PHIP: variants seen among roughly 807,000 people sequenced by gnomAD.
PHIP encodes the protein PH-interacting protein.
A neutral mutation model predicts 236.8 loss-of-function variants in PHIP; 54 were observed. The observed-to-expected ratio is 0.23, with a 90% CI of 0.18 to 0.29. The LOEUF (loss-of-function observed/expected upper bound fraction) is 0.29, where lower values mean the gene tolerates loss of function less well. Ranked by LOEUF, PHIP falls within the 10% of genes least tolerant of loss-of-function variation. The pLI is 1.00. For missense variants in PHIP, 1,370 were observed against 2,190.8 expected (o/e 0.63, Z 7.48); for synonymous variants, 756 against 718.9 (o/e 1.05, Z -0.83).
chr6:78,955,720 C>G (rs757514216), intron 32 of PHIP, 38 bp from the exon 33 acceptor site: 3 of 696,088 alleles, frequency 4.3e-6, no homozygotes, highest in African/African-American at 1.8e-5. Flanking sequence ...AAGATTAGAA[C>G]CATGATAATT....
In PHIP at chr6:79,053,166, T is replaced by C. The variant is rs567462603; in HGVS notation, c.439+7312A>G. Among the ~76,000 whole-genome samples, 12 of 151,986 alleles carry C rather than the reference T, an allele frequency of 7.9e-5. No individual in the cohort carries two copies. In the East Asian group the frequency reaches 2.3e-3, roughly 29 times the overall value. ...CCGTCTCTACTAAAAATACAAAAAT[T>C]AGCCGGGTGTGGTGGTGCATGCCTG... On this transcript the variant is annotated intron_variant, in intron 6 of 39. Coordinates refer to ENST00000275034, the MANE Select transcript of PHIP (RefSeq NM_017934.7).
At chr6:79,064,289 C>T (rs1773517146) in intron 4 of PHIP, among the ~76,000 whole-genome samples, 1 of 152,140 alleles carries the variant, frequency 6.6e-6, no homozygotes, top group African/African-American at 2.4e-5. Context: ...GCTCATTTTG[C>T]ATCCACTTTA....
chr6:78,964,916 T>A (rs191809808), intron 29 of PHIP, among the ~76,000 whole-genome samples: 38 of 152,354 alleles, frequency 2.5e-4, no homozygotes, highest in African/African-American at 8.4e-4. Flanking sequence ...TAATCCCTTT[T>A]TGGCTTATGC....
At chr6:79,035,413 T>C (rs886224064) in intron 7 of PHIP, among the ~76,000 whole-genome samples, 4 of 152,208 alleles carry the variant, frequency 2.6e-5, no homozygotes, top group African/African-American at 9.6e-5. Context: ...AGTTTACTTC[T>C]GTTCAGATAA....
At chr6:79,010,323 T>C (rs1038041444) in intron 15 of PHIP, among the ~76,000 whole-genome samples, 6 of 151,752 alleles carry the variant, frequency 4.0e-5, no homozygotes, top group African/African-American at 7.3e-5. Context: ...GGGTGGTAGA[T>C]TGGCAGCCTC....
chr6:79,011,495 G>A (rs1360917827), intron 15 of PHIP, among the ~76,000 whole-genome samples: 5 of 151,742 alleles, frequency 3.3e-5, no homozygotes, highest in African/African-American at 1.2e-4. Flanking sequence ...CAACAGAAAG[G>A]GTAGGGGGAG....
At chr6:79,077,953 C>T (rs766255953) in intron 1 of PHIP, 40 bp from the exon 2 acceptor site, 38 of 1,566,544 alleles carry the variant, frequency 2.4e-5, no homozygotes, top group South Asian at 4.5e-5. Context: ...ACAGGCTGAG[C>T]GGTCGGGCGG....
Position 78,970,803 on chromosome 6 carries a change from G to T in PHIP, c.2975C>A (p.Pro992Gln). The T allele has an allele frequency of 1.2e-6, 2 of 1,607,030 alleles. No individual in the cohort carries two copies. The highest frequency in any genetic ancestry group is 8.5e-7 in the Non-Finnish European group (1 of 1,175,808). The change falls in exon 25 of 40, where the codon CCA (proline) becomes CAA (glutamine). Residue 992 changes from proline (P) to glutamine (Q), a missense_variant. Physicochemically the swap from Pro to Gln is moderately conservative, Grantham distance 76 (BLOSUM62 -1). Transcript: ENST00000275034. ...KIYSINPKKQ[P>Q]WHKMELREQE... ...TACCCGTAGCTCCATTTTATGCCATGGTTGTTTTTTGGGATTGATACTATA... is the reference window on the plus strand; with the variant it reads ...TACCCGTAGCTCCATTTTATGCCATTGTTGTTTTTTGGGATTGATACTATA...
chr6:78,953,119 G>A (rs1194247241), intron 35 of PHIP, among the ~76,000 whole-genome samples: 6 of 151,878 alleles, frequency 4.0e-5, no homozygotes, highest in Non-Finnish European at 8.8e-5. Flanking sequence ...CAAGGGTGGT[G>A]CAAATTTGGA....
At chr6:79,044,663 T>A (rs1290541302) in intron 6 of PHIP, among the ~76,000 whole-genome samples, 2 of 152,112 alleles carry the variant, frequency 1.3e-5, no homozygotes, top group Non-Finnish European at 2.9e-5. Context: ...ATTCCCTCTA[T>A]CCAAAATTTC....
At chr6:78,945,631 A>G in intron 38 of PHIP, 134 bp from the exon 39 acceptor site, 1 of 657,020 alleles carries the variant, frequency 1.5e-6, no homozygotes, top group Non-Finnish European at 2.6e-6. Flanking sequence ...TAGGAAAGCT[A>G]CTTTCTAATA....
chr6:79,012,242 T>C (rs564211561), intron 15 of PHIP, among the ~76,000 whole-genome samples: 1 of 151,816 alleles, frequency 6.6e-6, no homozygotes, highest in South Asian at 2.1e-4. Context: ...AGGAGAAATA[T>C]TAAAGTATTC....
intron 32 of PHIP, 21 bp from the exon 33 acceptor site, chr6:78,955,703 A>G: frequency 1.3e-6 from 1 of 776,324 alleles, no homozygotes; most frequent in East Asian, 2.6e-5. Context: ...AGGAAATGTT[A>G]ACATGTAAGA....
chr6:79,002,433 C>G (rs985597184), intron 16 of PHIP, among the ~76,000 whole-genome samples: 2 of 151,978 alleles, frequency 1.3e-5, no homozygotes, highest in Non-Finnish European at 2.9e-5. Flanking sequence ...CAACCTGACT[C>G]CAAAAATGCT....
In PHIP at chr6:78,983,240, A is replaced by C; in HGVS notation, c.2538-123T>G. The C allele has an allele frequency of 6.4e-6, 3 of 470,540 alleles. No individual in the cohort carries two copies. In the Admixed American group the frequency reaches 1.2e-4, roughly 18 times the overall value. 29.1% of individuals were successfully genotyped at this position (470,540 alleles called of 1,614,324 possible). ...CAGAACAAATACTTAAACTACAAAA[A>C]AACTTCCCTAATTTTCAACTCATCT... On this transcript the variant is annotated intron_variant, in intron 22 of 39. Transcript: ENST00000275034.
At chr6:79,046,980 A>G (rs1772525619) in intron 6 of PHIP, among the ~76,000 whole-genome samples, 1 of 152,172 alleles carries the variant, frequency 6.6e-6, no homozygotes, top group Admixed American at 6.5e-5. Flanking sequence ...CTTCATTTTA[A>G]CTGCCCTGCT....
chr6:79,019,501 AG>A (rs1380572984), intron 9 of PHIP, among the ~76,000 whole-genome samples: 1 of 152,130 alleles, frequency 6.6e-6, no homozygotes, highest in Non-Finnish European at 1.5e-5. Flanking sequence ...CAAACATATA[AG>A]GAACTAAGCT....
intron 7 of PHIP, among the ~76,000 whole-genome samples, chr6:79,041,621 T>C (rs1181365412): frequency 6.6e-6 from 1 of 152,104 alleles, no homozygotes; most frequent in Non-Finnish European, 1.5e-5. Flanking sequence ...AATTTGAATA[T>C]ACCCATATTA....
chr6:78,978,560 G>T, intron 24 of PHIP, 32 bp downstream of exon 24: 1 of 1,537,302 alleles, frequency 6.5e-7, no homozygotes, highest in Non-Finnish European at 8.8e-7. Context: ...ACTATGTGAG[G>T]AAAAATGGAT....
Sources: allele counts gnomAD v4.1 joint callset (sites outside exome capture counted in the v4.1 genomes callset), GRCh38; gene constraint gnomAD v4.1.1; transcripts MANE v1.5; gene names NCBI Gene and HGNC (gene_info 2026-07-23, HGNC 2026-07-21).